QKI: variants seen among roughly 807,000 people sequenced by gnomAD.
QKI encodes KH domain-containing RNA-binding protein QKI.
A neutral mutation model predicts 39.0 loss-of-function variants in QKI; 10 were observed. That is an observed-to-expected ratio of 0.26 (90% confidence interval 0.16 to 0.43). The LOEUF is 0.43. QKI is among the 20% of genes least tolerant of loss of function. The pLI is 1.00. For synonymous variants in QKI, 204 were observed against 155.4 expected (o/e 1.31, Z -2.33); for missense variants, 218 against 428.0 (o/e 0.51, Z 4.33).
At chr6:163,544,857 G>A (rs1397075568) in intron 4 of QKI, among the ~76,000 whole-genome samples, 1 of 152,070 alleles carries the variant, frequency 6.6e-6, no homozygotes, top group Non-Finnish European at 1.5e-5. Flanking sequence ...AGGTGAGAAA[G>A]AGTAAAATTT....
intron 3 of QKI, among the ~76,000 whole-genome samples, chr6:163,491,668 G>A (rs2759389): frequency 0.79 from 119,627 of 152,052 alleles, 47,212 homozygotes; most frequent in East Asian, 1. Context: ...TAATATCTCA[G>A]TACATTTATA....
Position 163,574,480 on chromosome 6 carries a change from C to T in QKI, c.*3770C>T, listed in dbSNP as rs1031663969. On this transcript the variant is annotated 3_prime_UTR_variant, in exon 8 of 8. Coordinates refer to ENST00000361752, the MANE Select transcript of QKI (RefSeq NM_006775.3). The stretch of plus-strand genomic sequence containing the variant: ...CCAGTGAGGAAAAGAACCCTCAGCA[C>T]GTTACTGAGCTTTCCTCAGGTATTT... 3 of 152,168 alleles carry T rather than the reference C, an allele frequency of 2.0e-5. No individual in the cohort carries two copies. Among genetic ancestry groups the T allele is most frequent in the Non-Finnish European group, 4.4e-5 (3 of 68,028 alleles). The allele number at this position is 152,168 out of a possible 1,614,324, so 9.4% of individuals were successfully genotyped here.
intron 3 of QKI, among the ~76,000 whole-genome samples, chr6:163,494,923 AT>A (rs58908136): frequency 0.14 from 20,021 of 148,084 alleles, 2,063 homozygotes; most frequent in African/African-American, 0.29. Context: ...TTATTTATTT[AT>A]TTTTTTTTTG....
At chr6:163,455,520 T>A (rs9654569) in intron 2 of QKI, 99 bp downstream of exon 2, 89,424 of 1,203,274 alleles carry the variant, frequency 0.074, 3,661 homozygotes, top group African/African-American at 0.099. Context: ...TTAGCCACTT[T>A]AAAAAAATGC....
At chr6:163,564,852 T>A in intron 6 of QKI, 2 of 1,455,838 alleles carry the variant, frequency 1.4e-6, no homozygotes, top group Non-Finnish European at 1.8e-6. Context: ...ACCTTGGTGC[T>A]GCATGCATGC....
chr6:163,494,998 C>T (rs1268116593), intron 3 of QKI, among the ~76,000 whole-genome samples: 1 of 151,938 alleles, frequency 6.6e-6, no homozygotes, highest in African/African-American at 2.4e-5. Flanking sequence ...TCACATTAAC[C>T]TCTGCCTCCT....
chr6:163,556,519 A>C (rs1223321311), intron 4 of QKI, among the ~76,000 whole-genome samples: 2 of 151,300 alleles, frequency 1.3e-5, no homozygotes, highest in South Asian at 2.1e-4. Flanking sequence ...AAAAAAAAAA[A>C]AAAAACAACA....
chr6:163,518,664 T>TA (rs1477156955), intron 3 of QKI, among the ~76,000 whole-genome samples: 10 of 152,208 alleles, frequency 6.6e-5, no homozygotes, highest in African/African-American at 2.4e-4. Flanking sequence ...GAGCAAGAGA[T>TA]ACAAATTTAG....
chr6:163,484,080 G>T (rs950046797), intron 3 of QKI, among the ~76,000 whole-genome samples: 2 of 152,136 alleles, frequency 1.3e-5, no homozygotes, highest in African/African-American at 4.8e-5. Flanking sequence ...ATTTGGAAAG[G>T]AATCTCTTTT....
At chr6:163,516,280 T>A (rs1779793588) in intron 3 of QKI, among the ~76,000 whole-genome samples, 1 of 151,948 alleles carries the variant, frequency 6.6e-6, no homozygotes, top group South Asian at 2.1e-4. Flanking sequence ...AAATGTAGAG[T>A]TTCTAAAGCT....
At chr6:163,532,693 T>C (rs558987045) in intron 3 of QKI, among the ~76,000 whole-genome samples, 2 of 152,326 alleles carry the variant, frequency 1.3e-5, no homozygotes, top group East Asian at 3.9e-4. Context: ...CACTTTGACC[T>C]GGAATCCTTT....
intron 3 of QKI, among the ~76,000 whole-genome samples, chr6:163,520,456 T>G (rs1430167629): frequency 6.6e-6 from 1 of 152,142 alleles, no homozygotes; most frequent in Admixed American, 6.6e-5. Context: ...ATTATAAATG[T>G]CGGTTGCATA....
chr6:163,483,404 T>A (rs1793230229), intron 3 of QKI, among the ~76,000 whole-genome samples: 1 of 152,224 alleles, frequency 6.6e-6, no homozygotes, highest in South Asian at 2.1e-4. Context: ...TTCACAAAGA[T>A]GTCTCTAGCA....
chr6:163,463,279 G>A (rs1791477269), intron 2 of QKI, among the ~76,000 whole-genome samples: 1 of 152,140 alleles, frequency 6.6e-6, no homozygotes, highest in Non-Finnish European at 1.5e-5. Flanking sequence ...ATCAACCTAG[G>A]TGTTCTAGGA....
chr6:163,557,613 A>G (rs1050603119), intron 4 of QKI, among the ~76,000 whole-genome samples: 8 of 152,214 alleles, frequency 5.3e-5, no homozygotes, highest in African/African-American at 7.2e-5. Flanking sequence ...CTAGTGTTCA[A>G]TAGCACAACA....
At chr6:163,458,155 A>G (rs1791071763) in intron 2 of QKI, among the ~76,000 whole-genome samples, 1 of 152,170 alleles carries the variant, frequency 6.6e-6, no homozygotes, top group Non-Finnish European at 1.5e-5. Context: ...TCAGACTTCT[A>G]GCTAGTTTTG....
At chr6:163,423,954 A>G (rs773742943) in intron 1 of QKI, among the ~76,000 whole-genome samples, 1 of 152,240 alleles carries the variant, frequency 6.6e-6, no homozygotes, top group Non-Finnish European at 1.5e-5. Flanking sequence ...CCAATGATAT[A>G]TCAGGTAGAT....
At chr6:163,453,837 C>T (rs1039245353) in intron 1 of QKI, among the ~76,000 whole-genome samples, 1 of 152,028 alleles carries the variant, frequency 6.6e-6, no homozygotes, top group South Asian at 2.1e-4. Flanking sequence ...ATTGGTATCA[C>T]TGAAGCAGAA....
rs777492471 is a variant in QKI at position 163,458,703 on chromosome 6, C to T, written c.285+3282C>T. Among the ~76,000 whole-genome samples the T allele has an allele frequency of 1.3e-3, 194 of 152,032 alleles. 2 individuals are homozygous for T. Among genetic ancestry groups the T allele is most frequent in the Non-Finnish European group, 2.1e-3 (143 of 68,004 alleles). On this transcript the variant is annotated intron_variant, in intron 2 of 7. Coordinates refer to ENST00000361752, the MANE Select transcript of QKI (RefSeq NM_006775.3). ...TAGTGCTATAGTCTGTAGCCCTTTG[C>T]AACGTTTTTGAAGTTTGGCCTCATG...
Sources: allele counts gnomAD v4.1 joint callset (sites outside exome capture counted in the v4.1 genomes callset), GRCh38; gene constraint gnomAD v4.1.1; transcripts MANE v1.5; gene names NCBI Gene and HGNC (gene_info 2026-07-23, HGNC 2026-07-21).